Variants in RFC2 observed in about 807,000 individuals in gnomAD.
RFC2 encodes the protein replication factor C subunit 2.
Under a neutral mutation model 44.8 loss-of-function variants are expected in RFC2, and 34 were observed. That is an observed-to-expected ratio of 0.76 (90% CI 0.58 to 1.01). The LOEUF is 1.01. Ranked by LOEUF, RFC2 falls within the 50% of genes least tolerant of loss-of-function variation. The pLI, the probability that RFC2 is intolerant of heterozygous loss-of-function variation, is 0.00. For synonymous variants in RFC2, 177 were observed against 168.9 expected (o/e 1.05, Z -0.37); for missense variants, 400 against 453.6 (o/e 0.88, Z 1.07).
intron 9 of RFC2, 83 bp downstream of exon 9, chr7:74,237,279 T>A (rs2116266573): frequency 1.2e-6 from 1 of 856,908 alleles, no homozygotes. Context: ...GTGTATAATG[T>A]CCCTGGTACC....
chr7:74,236,713 C>T (rs1426641312), intron 9 of RFC2, among the ~76,000 whole-genome samples: 3 of 152,178 alleles, frequency 2.0e-5, no homozygotes, highest in Non-Finnish European at 4.4e-5. Context: ...GGTCTTTCCT[C>T]CTGACTTTGG....
Position 74,251,339 on chromosome 7 carries a change from GC to G in RFC2, c.183+1089del. Among the ~76,000 whole-genome samples the G allele has an allele frequency of 1.3e-5, 2 of 152,204 alleles. 1 individual carries two copies. The highest frequency in any genetic ancestry group is 2.9e-5 in the Non-Finnish European group (2 of 68,024). Reference sequence around the variant, plus strand: ...TGAACCTCAGACTCTACAGGCATGTGCCACCACACCCAGCTCATTCTTAAAT... The same window carrying G: ...TGAACCTCAGACTCTACAGGCATGTGCACCACACCCAGCTCATTCTTAAAT... On this transcript the variant is annotated intron_variant, in intron 2 of 10. Coordinates refer to ENST00000055077, the MANE Select transcript of RFC2 (RefSeq NM_181471.3).
chr7:74,248,536 G>A (rs969997554), intron 4 of RFC2, among the ~76,000 whole-genome samples: 6 of 150,922 alleles, frequency 4.0e-5, no homozygotes, highest in East Asian at 2.0e-4. Flanking sequence ...AGTTTTGCTC[G>A]TCACCCAGGC....
At chr7:74,254,179 G>C (rs1787141009) in intron 1 of RFC2, 92 bp downstream of exon 1, 10 of 932,266 alleles carry the variant, frequency 1.1e-5, no homozygotes, top group Non-Finnish European at 1.5e-5. Flanking sequence ...CCCAAAACGA[G>C]CCCCTGACCC....
chr7:74,239,585 C>G (rs542298928), intron 7 of RFC2, among the ~76,000 whole-genome samples: 49 of 152,302 alleles, frequency 3.2e-4, no homozygotes, highest in Non-Finnish European at 6.6e-4. Flanking sequence ...CCCGCCTTGG[C>G]CTTCCAAAGT....
intron 3 of RFC2, 48 bp from the exon 4 acceptor site, chr7:74,249,166 CA>C (rs1563998855): frequency 6.2e-7 from 1 of 1,612,240 alleles, no homozygotes; most frequent in Admixed American, 1.7e-5. Flanking sequence ...AGAAGGACCT[CA>C]GGTAGCTCTT....
intron 5 of RFC2, among the ~76,000 whole-genome samples, chr7:74,243,485 C>T (rs1293281833): frequency 6.6e-6 from 1 of 151,962 alleles, no homozygotes; most frequent in Non-Finnish European, 1.5e-5. Context: ...ACGAAAACCA[C>T]GATCTACAAG....
intron 6 of RFC2, among the ~76,000 whole-genome samples, chr7:74,242,509 A>G (rs1334153792): frequency 6.6e-6 from 1 of 152,204 alleles, no homozygotes; most frequent in Non-Finnish European, 1.5e-5. Flanking sequence ...AAACATGTGC[A>G]TAATATATAC....
Position 74,243,241 on chromosome 7 carries a change from G to A in RFC2, c.440C>T (p.Thr147Ile). 6.2e-7 allele frequency: 1 copy of A among 1,611,642 alleles called. No individual in the cohort carries two copies. Among genetic ancestry groups the A allele is most frequent in the Non-Finnish European group, 8.5e-7 (1 of 1,178,058 alleles). Reference protein sequence around the residue: ...IIILDEADSMTDGAQQALRRT... With the variant: ...IIILDEADSMIDGAQQALRRT... ...CCTCAAGGCTTGCTGGGCTCCGTCG[G>A]TCATGCTGAGAAGAAAAACACAAGT... The change falls in exon 6 of 11, where the codon ACC becomes ATC. Residue 147 changes from threonine to isoleucine, a missense_variant. Transcript: ENST00000055077.
At chr7:74,239,220 G>A (rs2116277891) in intron 7 of RFC2, among the ~76,000 whole-genome samples, 2 of 138,460 alleles carry the variant, frequency 1.4e-5, no homozygotes, top group Non-Finnish European at 3.0e-5. Context: ...CTGTCACCCA[G>A]CATGGAGTGT....
rs782616472 is a variant in RFC2, at chr7:74,252,437, T to C, written c.175A>G (p.Arg59Gly). The C allele has an allele frequency of 6.3e-7, 1 of 1,593,146 alleles. No individual in the cohort carries two copies. Among genetic ancestry groups the C allele is most frequent in the Non-Finnish European group, 8.6e-7 (1 of 1,162,528 alleles). Residue 59 changes from arginine to glycine, a missense_variant, in exon 2 of 11, where the codon AGG becomes GGG. Coordinates refer to ENST00000055077, the MANE Select transcript of RFC2 (RefSeq NM_181471.3). ...AAAAAAAAGCCACTCACCTCTAGCC[T>C]GCTCACGGTGTCTTCATTCCCGACA... ...EIVGNEDTVS[R>G]LEVFAREGNV...
At chr7:74,251,450 A>T in intron 2 of RFC2, among the ~76,000 whole-genome samples, 1 of 152,198 alleles carries the variant, frequency 6.6e-6, no homozygotes, top group East Asian at 1.9e-4. Flanking sequence ...TTAGCCTCCC[A>T]AGGTGCTGGG....
chr7:74,249,758 AC>A lies in RFC2; in HGVS notation c.205del (p.Val69CysfsTer48). ...ACTCACCGCAATGATGATGTTGGGC[AC>A]ATTTCCTTCCCTTGCAAAGACCTAC... ...RLEVFAREGNVPNIIIAGPPG... is the reference protein window; with the variant it reads ...RLEVFAREGNXPNIIIAGPPG... On this transcript the variant is annotated frameshift_variant, in exon 3 of 11. Transcript: ENST00000055077. LOFTEE classifies it high-confidence loss of function. 6.2e-7 allele frequency: 1 copy of A among 1,613,932 alleles called. No homozygotes were observed. The highest frequency in any genetic ancestry group is 8.5e-7 in the Non-Finnish European group (1 of 1,179,848).
chr7:74,239,912 C>T (rs559561937), intron 7 of RFC2, 26 bp downstream of exon 7: 19 of 1,567,042 alleles, frequency 1.2e-5, no homozygotes, highest in Admixed American at 7.5e-5. Context: ...AGGATGCCCA[C>T]GCCTGAATGG....
Position 74,232,084 on chromosome 7 carries a change from G to A in RFC2, c.*22C>T. 1 of 1,421,944 alleles carries A rather than the reference G, an allele frequency of 7.0e-7. No individual in the cohort carries two copies. Among genetic ancestry groups the A allele is most frequent in the Non-Finnish European group, 9.9e-7 (1 of 1,007,004 alleles). 88.1% of individuals were successfully genotyped at this position (1,421,944 alleles called of 1,614,324 possible). Reference sequence around the variant, plus strand: ...GTACCTCAGAATAGGGCACCTGTAAGTCAGTCAGTGAAGTCTCTGCTCTAA... The same window carrying A: ...GTACCTCAGAATAGGGCACCTGTAAATCAGTCAGTGAAGTCTCTGCTCTAA... On this transcript the variant is annotated 3_prime_UTR_variant, in exon 11 of 11. Coordinates refer to ENST00000055077, the MANE Select transcript of RFC2 (RefSeq NM_181471.3).
intron 2 of RFC2, among the ~76,000 whole-genome samples, chr7:74,251,526 G>A (rs887804716): frequency 3.2e-4 from 48 of 152,144 alleles, no homozygotes; most frequent in Non-Finnish European, 4.0e-4. Flanking sequence ...AAGGCCGCTC[G>A]TGGTGGCTCA....
At chr7:74,235,847 A>G (rs1391948233) in intron 9 of RFC2, among the ~76,000 whole-genome samples, 1 of 151,872 alleles carries the variant, frequency 6.6e-6, no homozygotes, top group African/African-American at 2.4e-5. Context: ...ATATAAAGAT[A>G]AGAGTCTTGC....
chr7:74,244,143 C>A (rs1156389210), intron 5 of RFC2, among the ~76,000 whole-genome samples: 1 of 149,992 alleles, frequency 6.7e-6, no homozygotes, highest in Non-Finnish European at 1.5e-5. Context: ...TGGCGCACGT[C>A]TGTAGTCCCA....
intron 7 of RFC2, among the ~76,000 whole-genome samples, chr7:74,239,508 T>A (rs1221088930): frequency 6.6e-6 from 1 of 152,140 alleles, no homozygotes; most frequent in African/African-American, 2.4e-5. Flanking sequence ...ATTTTTTGTA[T>A]TTTTAGTAGA....
Sources: gnomAD v4.1 joint callset for allele counts (sites outside exome capture counted in the v4.1 genomes callset) on GRCh38, gnomAD v4.1.1 for gene constraint, MANE v1.5 for transcripts, NCBI Gene and HGNC (gene_info 2026-07-23, HGNC 2026-07-21) for gene names.